CD109: variants seen among roughly 807,000 people sequenced by gnomAD.
CD109 encodes CD109 antigen.
Under a neutral mutation model 165.8 loss-of-function variants are expected in CD109, and 149 were observed. The observed-to-expected ratio is 0.90, with a 90% CI of 0.79 to 1.03. The LOEUF (loss-of-function observed/expected upper bound fraction) is 1.03, where lower values mean the gene tolerates loss of function less well. CD109 is among the 50% of genes least tolerant of loss of function. CD109 has a pLI of 0.00. For synonymous variants in CD109, 585 were observed against 592.1 expected (o/e 0.99, Z 0.18); for missense variants, 1,712 against 1,677.8 (o/e 1.02, Z -0.36).
chr6:73,820,354 T>C, intron 31 of CD109, 107 bp from the exon 32 acceptor site: 1 of 599,014 alleles, frequency 1.7e-6, no homozygotes, highest in Non-Finnish European at 3.0e-6. Flanking sequence ...AAATCCTCCC[T>C]AAGTGTTAGT....
intron 31 of CD109, 81 bp from the exon 32 acceptor site, chr6:73,820,380 T>G: frequency 1.4e-6 from 1 of 707,106 alleles, no homozygotes; most frequent in Non-Finnish European, 2.4e-6. Context: ...TTTCCTAAAA[T>G]GATGAGAAAA....
chr6:73,819,016 G>A (rs1007235991), intron 31 of CD109, among the ~76,000 whole-genome samples: 15 of 152,150 alleles, frequency 9.9e-5, no homozygotes, highest in Non-Finnish European at 1.6e-4. Context: ...AGAATTTTTT[G>A]TGGAGATAGG....
chr6:73,704,653 C>T (rs1771200126), intron 2 of CD109, among the ~76,000 whole-genome samples: 1 of 152,088 alleles, frequency 6.6e-6, no homozygotes. Context: ...TCCTTTATGT[C>T]CTGTGAAGAG....
chr6:73,750,230 A>C (rs1773136867), intron 5 of CD109, among the ~76,000 whole-genome samples: 1 of 152,190 alleles, frequency 6.6e-6, no homozygotes, highest in Non-Finnish European at 1.5e-5. Context: ...AGAATCACCC[A>C]TATCAGTTCT....
At chr6:73,727,575 A>C (rs1772188968) in intron 3 of CD109, among the ~76,000 whole-genome samples, 1 of 152,148 alleles carries the variant, frequency 6.6e-6, no homozygotes, top group South Asian at 2.1e-4. Context: ...AGGTAGAATA[A>C]AATGTTTTCG....
chr6:73,741,368 C>T (rs2150194478), intron 5 of CD109, among the ~76,000 whole-genome samples: 1 of 152,254 alleles, frequency 6.6e-6, no homozygotes, highest in South Asian at 2.1e-4. Context: ...ATTTCTTTGT[C>T]TAGAGCACCA....
chr6:73,776,027 T>A (rs534871881), intron 15 of CD109, among the ~76,000 whole-genome samples: 2 of 152,370 alleles, frequency 1.3e-5, no homozygotes, highest in Admixed American at 1.3e-4. Flanking sequence ...CCTTTGGATA[T>A]ATACCCAATA....
intron 23 of CD109, among the ~76,000 whole-genome samples, chr6:73,793,923 T>G (rs2150272436): frequency 6.6e-6 from 1 of 152,282 alleles, no homozygotes. Context: ...AACTCCTAAT[T>G]TTTTTAGTTT....
intron 23 of CD109, among the ~76,000 whole-genome samples, chr6:73,797,306 A>T (rs1775198485): frequency 6.6e-6 from 1 of 152,244 alleles, no homozygotes; most frequent in Admixed American, 6.5e-5. Context: ...TTAATTGAAG[A>T]TTTAAACCAT....
chr6:73,718,564 A>G (rs1307097116), intron 2 of CD109, among the ~76,000 whole-genome samples: 1 of 151,680 alleles, frequency 6.6e-6, no homozygotes, highest in African/African-American at 2.4e-5. Context: ...ATTGATGTGC[A>G]TACAACTTTT....
chr6:73,768,912 A>C (rs938635144), intron 14 of CD109, among the ~76,000 whole-genome samples: 1 of 152,210 alleles, frequency 6.6e-6, no homozygotes, highest in African/African-American at 2.4e-5. Flanking sequence ...TTATTCCTTT[A>C]AATAGTGATT....
chr6:73,791,668 A>G (rs1774977377), intron 22 of CD109, among the ~76,000 whole-genome samples: 1 of 152,222 alleles, frequency 6.6e-6, no homozygotes, highest in Non-Finnish European at 1.5e-5. Context: ...CCCAGAATGT[A>G]CGAATTTTAG....
chr6:73,762,650 G>A (rs1730661579), intron 8 of CD109, 91 bp from the exon 9 acceptor site: 1 of 1,068,754 alleles, frequency 9.4e-7, no homozygotes, highest in Non-Finnish European at 1.4e-6. Context: ...TGGTACCAGA[G>A]CTATCATATT....
At chr6:73,725,504 C>CTTTTTTTT (rs386407559) in intron 3 of CD109, among the ~76,000 whole-genome samples, 1,920 of 89,150 alleles carry the variant, frequency 0.022, 92 homozygotes, top group African/African-American at 0.05. Context: ...TACTACACTT[C>CTTTTTTTT]TTTTTTTTTT....
At chr6:73,742,995 C>A (rs1194297267) in intron 5 of CD109, among the ~76,000 whole-genome samples, 1 of 152,114 alleles carries the variant, frequency 6.6e-6, no homozygotes. Context: ...CATTGAGAGG[C>A]AGTGTTGGGC....
chr6:73,812,661 A>C (rs1775793646), intron 29 of CD109, among the ~76,000 whole-genome samples: 1 of 152,092 alleles, frequency 6.6e-6, no homozygotes, highest in Admixed American at 6.6e-5. Context: ...TTTAATGTAA[A>C]ATCTTATATA....
chr6:73,679,730 G>T, the CD109 span, among the ~76,000 whole-genome samples: 1 of 151,860 alleles, frequency 6.6e-6, no homozygotes, highest in Non-Finnish European at 1.5e-5. Context: ...CCGCCTCCTG[G>T]GTTCAAGTGA....
intron 2 of CD109, among the ~76,000 whole-genome samples, chr6:73,720,073 C>G (rs539163017): frequency 3.8e-4 from 58 of 152,128 alleles, no homozygotes; most frequent in South Asian, 3.5e-3. Context: ...TTCCCAATAT[C>G]TAAGATATGG....
intron 23 of CD109, among the ~76,000 whole-genome samples, chr6:73,801,323 T>C (rs540626222): frequency 2.0e-5 from 3 of 152,258 alleles, no homozygotes; most frequent in Non-Finnish European, 4.4e-5. Context: ...GAGAATTACC[T>C]GAGTTAATCC....
Sources: allele counts gnomAD v4.1 joint callset (sites outside exome capture counted in the v4.1 genomes callset), GRCh38; gene constraint gnomAD v4.1.1; transcripts MANE v1.5; gene names NCBI Gene and HGNC (gene_info 2026-07-23, HGNC 2026-07-21).